Variants in DMXL2 observed in about 807,000 individuals in gnomAD.
DMXL2 encodes the protein Dmx like 2, also known as dmX-like protein 2.
Under a neutral mutation model 331.1 loss-of-function variants are expected in DMXL2, and 103 were observed. The ratio of observed to expected loss-of-function variants is 0.31; its 90% confidence interval spans 0.27 to 0.37. DMXL2 has a LOEUF of 0.37. Among genes scored for constraint, DMXL2 ranks in the 10% least tolerant of loss-of-function variants. The probability of loss-of-function intolerance (pLI) is 1.00; values close to 1 mark genes in which losing one functional copy is unlikely to be tolerated. For synonymous variants in DMXL2, 1,281 were observed against 1,252.1 expected (o/e 1.02, Z -0.49); for missense variants, 3,171 against 3,642.9 (o/e 0.87, Z 3.33).
chr15:51,603,221 C>T lies in DMXL2; in HGVS notation c.87+19238G>A, dbSNP rs138602527. Among the ~76,000 whole-genome samples the T allele has an allele frequency of 3.8e-3, 583 of 151,926 alleles. 2 individuals are homozygous for T. Among genetic ancestry groups the T allele is most frequent in the African/African-American group, 0.012 (513 of 41,484 alleles). ...AACATAAAAACTTCAGCAAGATAGG[C>T]AAAGAGAAAAGACACAAATTACCAA... is the stretch of plus-strand genomic sequence containing the variant. On this transcript the variant is annotated intron_variant, in intron 1 of 43. Transcript: ENST00000560891.
Position 51,450,216 on chromosome 15 carries a change from G to T in DMXL2, c.8880C>A (p.Phe2960Leu). 1 of 1,614,050 alleles carries T rather than the reference G, an allele frequency of 6.2e-7. No homozygotes were observed. The highest frequency in any genetic ancestry group is 8.5e-7 in the Non-Finnish European group (1 of 1,180,004). Residue 2960 changes from phenylalanine to leucine, a missense_variant, in exon 43 of 44, where the codon TTC becomes TTA. This residue lies in a region of DMXL2 where 766 missense variants were observed against 940.5 expected (regional missense o/e 0.81). Transcript: ENST00000560891. ...DIRQRQLIHT[F>L]QAHDSAIKAL... ...CCTTAATAGCTGAGTCATGGGCCTG[G>T]AACGTGTGAATGAGCTGCCTTTGCC...
At chr15:51,549,278 A>G (rs1260056079) in intron 6 of DMXL2, among the ~76,000 whole-genome samples, 2 of 152,102 alleles carry the variant, frequency 1.3e-5, no homozygotes, top group Non-Finnish European at 2.9e-5. Context: ...GGTTGCTGCG[A>G]ATGTCATTTC....
chr15:51,500,383 T>A, intron 17 of DMXL2, 152 bp from the exon 18 acceptor site: 1 of 794,920 alleles, frequency 1.3e-6, no homozygotes, highest in Non-Finnish European at 1.9e-6. Context: ...AGTATCCCAC[T>A]AAATGTCCAT....
intron 28 of DMXL2, among the ~76,000 whole-genome samples, chr15:51,472,536 T>A (rs1268061324): frequency 1.3e-5 from 2 of 152,056 alleles, no homozygotes; most frequent in Non-Finnish European, 2.9e-5. Context: ...TATTTCTCCC[T>A]CCCCCTAGCC....
chr15:51,488,033 A>T lies in DMXL2; in HGVS notation c.5138T>A (p.Phe1713Tyr). ...AAAGCGTTGTTTTCCAAGTAAGGAAAAAGCATTTTTCAAAGCAGCTTTTCG... is the reference window on the plus strand; with the variant it reads ...AAAGCGTTGTTTTCCAAGTAAGGAATAAGCATTTTTCAAAGCAGCTTTTCG... ...RWRKAALKNAFSLLGKQRFEQ... is the reference protein window; with the variant it reads ...RWRKAALKNAYSLLGKQRFEQ... The change falls in exon 22 of 44, where the codon TTT (phenylalanine) becomes TAT (tyrosine). Residue 1713 changes from phenylalanine (F) to tyrosine (Y), a missense_variant. Physicochemically the swap from Phe to Tyr is conservative, Grantham distance 22. Around this residue, in one of 7 missense-constraint regions of DMXL2, gnomAD observed 252 missense variants for 387.4 expected, o/e 0.65. Coordinates refer to ENST00000560891, the MANE Select transcript of DMXL2 (RefSeq NM_001378457.1). 1 of 1,613,018 alleles carries T rather than the reference A, an allele frequency of 6.2e-7. No individual in the cohort carries two copies. Among genetic ancestry groups the T allele is most frequent in the Admixed American group, 1.7e-5 (1 of 59,774 alleles).
At chr15:51,616,189 A>T (rs2054273103) in intron 1 of DMXL2, among the ~76,000 whole-genome samples, 2 of 152,156 alleles carry the variant, frequency 1.3e-5, no homozygotes, top group Admixed American at 1.3e-4. Context: ...CCAAATTACC[A>T]TGTATATTAT....
In DMXL2 at chr15:51,488,091, A is replaced by T; in HGVS notation, c.5080T>A (p.Phe1694Ile). The T allele has an allele frequency of 6.2e-7, 1 of 1,609,352 alleles. No individual in the cohort carries two copies. The highest frequency in any genetic ancestry group is 2.2e-5 in the East Asian group (1 of 44,732). The change falls in exon 22 of 44, where the codon TTT becomes ATT. Residue 1694 changes from phenylalanine (F) to isoleucine (I), a missense_variant. This residue lies in a region of DMXL2 where 252 missense variants were observed against 387.4 expected (regional missense o/e 0.65). Transcript: ENST00000560891. ...RSQHDEKMTTFFSHNFNEDRW... is the reference protein window; with the variant it reads ...RSQHDEKMTTIFSHNFNEDRW... The stretch of plus-strand genomic sequence containing the variant: ...TCTTCATTAAAGTTGTGGCTGAAAA[A>T]TGTTGTCATTTTTTCATCATGCTGT...
At chr15:51,496,545 G>A (rs1046643662) in intron 18 of DMXL2, among the ~76,000 whole-genome samples, 1 of 152,194 alleles carries the variant, frequency 6.6e-6, no homozygotes, top group Non-Finnish European at 1.5e-5. Flanking sequence ...TTATTCTAAA[G>A]TGAGACAGGA....
intron 1 of DMXL2, among the ~76,000 whole-genome samples, chr15:51,614,856 C>T (rs1168608627): frequency 6.6e-6 from 1 of 152,112 alleles, no homozygotes; most frequent in African/African-American, 2.4e-5. Flanking sequence ...TTAACAGGAG[C>T]ATTCTAGCTA....
rs779483768 is a variant in DMXL2 at position 51,535,776 on chromosome 15, A to T, written c.2323T>A (p.Cys775Ser). The part of the protein sequence containing the change: ...LIPSYCLGTY[C>S]NSASACFVAS... ...ACAAAGCAAGCACTTGCAGAATTGC[A>T]GTATGTGCCTGAGAAAGGAAAACAA... Residue 775 changes from cysteine to serine, a missense_variant, in exon 13 of 44, where the codon TGC becomes AGC. Cys to Ser is a moderately radical substitution (Grantham distance 112). This residue lies in a region of DMXL2 where 1,674 missense variants were observed against 1,780.2 expected (regional missense o/e 0.94). Coordinates refer to ENST00000560891, the MANE Select transcript of DMXL2 (RefSeq NM_001378457.1). 3 of 1,606,178 alleles carry T rather than the reference A, an allele frequency of 1.9e-6. No individual in the cohort carries two copies. In the South Asian group the frequency reaches 3.4e-5, roughly 18 times the overall value.
Position 51,480,950 on chromosome 15 carries a change from C to A in DMXL2, c.6156G>T (p.Met2052Ile). The change falls in exon 24 of 44, where the codon ATG (methionine) becomes ATT (isoleucine). Residue 2052 changes from methionine to isoleucine, a missense_variant. Transcript: ENST00000560891. The part of the protein sequence containing the change: ...LKFRACLKIL[M>I]TELRTLATGY... ...CTGTAGCCAATGTTCTTAATTCAGTCATAAGGATCTTTAAACAAGCTCTGA... is the reference window on the plus strand; with the variant it reads ...CTGTAGCCAATGTTCTTAATTCAGTAATAAGGATCTTTAAACAAGCTCTGA... 1 of 1,613,940 alleles carries A rather than the reference C, an allele frequency of 6.2e-7. No individual in the cohort carries two copies. The highest frequency in any genetic ancestry group is 1.1e-5 in the South Asian group (1 of 91,016).
chr15:51,556,494 C>T (rs1806096890), intron 6 of DMXL2, among the ~76,000 whole-genome samples: 1 of 151,802 alleles, frequency 6.6e-6, no homozygotes, highest in African/African-American at 2.4e-5. Context: ...AAAAGATGGC[C>T]GGGCACAGTG....
At chr15:51,486,845 C>T (rs192659613) in intron 22 of DMXL2, among the ~76,000 whole-genome samples, 4 of 152,238 alleles carry the variant, frequency 2.6e-5, no homozygotes, top group Non-Finnish European at 2.9e-5. Flanking sequence ...ATGAGCATCT[C>T]TCAGTCAACA....
At chr15:51,490,388 T>C (rs1413246899) in intron 20 of DMXL2, among the ~76,000 whole-genome samples, 1 of 152,156 alleles carries the variant, frequency 6.6e-6, no homozygotes, top group Non-Finnish European at 1.5e-5. Context: ...GGAACTACTA[T>C]TAAGGAATAA....
At chr15:51,458,443 G>A in intron 36 of DMXL2, 63 bp downstream of exon 36, 1 of 1,538,384 alleles carries the variant, frequency 6.5e-7, no homozygotes, top group South Asian at 1.2e-5. Context: ...CAAATCATGT[G>A]CATAACCATT....
intron 30 of DMXL2, 60 bp downstream of exon 30, chr15:51,466,124 G>T: frequency 8.1e-7 from 1 of 1,232,100 alleles, no homozygotes; most frequent in Non-Finnish European, 1.1e-6. Flanking sequence ...TAATAACATT[G>T]ATATTTTCTA....
chr15:51,514,637 A>C, intron 14 of DMXL2, 78 bp from the exon 15 acceptor site: 1 of 798,516 alleles, frequency 1.3e-6, no homozygotes, highest in Non-Finnish European at 2.1e-6. Context: ...CACCTCCCCA[A>C]TGCTAATGCA....
intron 6 of DMXL2, among the ~76,000 whole-genome samples, chr15:51,551,444 A>G (rs1380177752): frequency 1.3e-5 from 2 of 152,216 alleles, no homozygotes; most frequent in Non-Finnish European, 2.9e-5. Context: ...GGCATCCTGT[A>G]GTTTGTATCA....
intron 1 of DMXL2, among the ~76,000 whole-genome samples, chr15:51,602,222 C>G (rs557745867): frequency 9.2e-5 from 14 of 152,230 alleles, no homozygotes; most frequent in Non-Finnish European, 1.6e-4. Context: ...CTAAACCAAG[C>G]AGCAAAAACA....
Sources: allele counts gnomAD v4.1 joint callset (sites outside exome capture counted in the v4.1 genomes callset), GRCh38; gene constraint gnomAD v4.1.1; regional missense constraint gnomAD v4.1.1; transcripts MANE v1.5; gene names NCBI Gene and HGNC (gene_info 2026-07-23, HGNC 2026-07-21).